TCF20: variants seen among roughly 807,000 people sequenced by gnomAD.
TCF20 encodes the protein SPRE-binding protein.
Under a neutral mutation model 148.6 loss-of-function variants are expected in TCF20, and 3 were observed. That is an observed-to-expected ratio of 0.02 (90% CI 0.01 to 0.05). The LOEUF (loss-of-function observed/expected upper bound fraction) is 0.05. Among genes scored for constraint, TCF20 ranks in the 10% least tolerant of loss-of-function variants. The probability of loss-of-function intolerance (pLI) is 1.00; values close to 1 mark genes in which losing one functional copy is unlikely to be tolerated. For synonymous variants in TCF20, 1,049 were observed against 909.5 expected (o/e 1.15, Z -2.76); for missense variants, 2,350 against 2,429.3 (o/e 0.97, Z 0.69).
At chr22:42,179,037 T>TA (rs60142024) in intron 3 of TCF20, among the ~76,000 whole-genome samples, 8,512 of 120,910 alleles carry the variant, frequency 0.07, 729 homozygotes, top group East Asian at 0.46. Context: ...TGGCTACAAT[T>TA]AAAAAAAAAA....
chr22:42,330,935 T>C (rs953055029), intron 1 of TCF20, among the ~76,000 whole-genome samples: 30 of 152,150 alleles, frequency 2.0e-4, no homozygotes, highest in African/African-American at 7.2e-4. Flanking sequence ...CCCCCACCCC[T>C]GAGTGGCCCA....
intron 1 of TCF20, among the ~76,000 whole-genome samples, chr22:42,244,634 A>G (rs966762160): frequency 6.6e-6 from 1 of 152,224 alleles, no homozygotes; most frequent in Non-Finnish European, 1.5e-5. Flanking sequence ...GACTGGCAGA[A>G]GAGGGCAAGG....
At chr22:42,275,562 G>A (rs940622701), upstream of TCF20, among the ~76,000 whole-genome samples, 11 of 152,198 alleles carry the variant, frequency 7.2e-5, no homozygotes, top group African/African-American at 2.7e-4. Flanking sequence ...GCTGTAAATT[G>A]GGCTGGGAGG....
At chr22:42,307,263 C>T (rs1927452538) in intron 1 of TCF20, among the ~76,000 whole-genome samples, 2 of 152,152 alleles carry the variant, frequency 1.3e-5, no homozygotes, top group Non-Finnish European at 2.9e-5. Context: ...AAAGCATCCT[C>T]GCCCCGGAAT....
At position 42,168,725 on chromosome 22, in the gene TCF20, C is replaced by T. The variant is rs756242336; in HGVS notation, c.5811G>A (p.Pro1937=). The change falls in exon 5 of 6, where the codon CCG becomes CCA. Residue 1937 remains proline (P), a synonymous_variant. Transcript: ENST00000677622. ...VRCPKHKPPL[P]CPLPPLQNKT... ...TGTTCTGCAAGGGGGGGAGAGGGCA[C>T]GGAAGGGGAGGCTGACACGGGCAAA... The T allele has an allele frequency of 5.0e-6, 8 of 1,608,708 alleles. No individual in the cohort carries two copies. The highest frequency in any genetic ancestry group is 2.2e-5 in the South Asian group (2 of 90,566).
chr22:42,207,116 AAT>A (rs1457551691), intron 2 of TCF20, among the ~76,000 whole-genome samples: 2 of 152,136 alleles, frequency 1.3e-5, no homozygotes, highest in African/African-American at 4.8e-5. Context: ...GGGGCTGAAA[AAT>A]AGAGCATTAG....
chr22:42,273,675 GT>G (rs942684270), upstream of TCF20, among the ~76,000 whole-genome samples: 76 of 151,856 alleles, frequency 5.0e-4, no homozygotes, highest in African/African-American at 1.8e-3. Flanking sequence ...CAGTAGACTA[GT>G]TTTTTTCCCC....
chr22:42,212,689 G>C lies in TCF20; in HGVS notation c.2617C>G (p.Leu873Val), dbSNP rs574949263. 1 of 1,614,090 alleles carries C rather than the reference G, an allele frequency of 6.2e-7. No individual in the cohort carries two copies. Among genetic ancestry groups the C allele is most frequent in the African/African-American group, 1.3e-5 (1 of 74,916 alleles). ...CCTGGGTCCCTGACAATCTGTCTTA[G>C]TGGAGAAATATCACAGATCACTGAT... Reference protein sequence around the residue: ...RRSVICDISPLRQIVRDPGAH... With the variant: ...RRSVICDISPVRQIVRDPGAH... The change falls in exon 2 of 6, where the codon CTA becomes GTA. Residue 873 changes from leucine to valine, a missense_variant. Transcript: ENST00000677622.
chr22:42,259,759 C>A (rs1311259469), intron 1 of TCF20, among the ~76,000 whole-genome samples: 2 of 152,166 alleles, frequency 1.3e-5, no homozygotes, highest in Non-Finnish European at 1.5e-5. Context: ...ATTTGGCCCA[C>A]TGTGTATCAA....
At chr22:42,325,870 G>C (rs1927866610) in intron 1 of TCF20, among the ~76,000 whole-genome samples, 1 of 152,160 alleles carries the variant, frequency 6.6e-6, no homozygotes. Flanking sequence ...TGGGGGTCAG[G>C]GCCCTAGCTT....
chr22:42,180,929 C>G (rs1458867485), intron 2 of TCF20, among the ~76,000 whole-genome samples: 1 of 152,202 alleles, frequency 6.6e-6, no homozygotes, highest in Non-Finnish European at 1.5e-5. Context: ...AAGCTTTGCC[C>G]TGCTCTCAGA....
intron 1 of TCF20, among the ~76,000 whole-genome samples, chr22:42,302,388 G>C (rs192382618): frequency 1.3e-5 from 2 of 152,302 alleles, no homozygotes; most frequent in East Asian, 1.9e-4. Context: ...GGGGCTGAGC[G>C]TACAGAGGCA....
chr22:42,164,211 TC>T (rs1935635164), intron 5 of TCF20, among the ~76,000 whole-genome samples: 3 of 113,772 alleles, frequency 2.6e-5, no homozygotes, highest in Admixed American at 1.3e-4. Flanking sequence ...CTCATTTCTT[TC>T]TTTTTTTTTT....
In TCF20 at chr22:42,214,847, C is replaced by T. The variant is rs1242689494; in HGVS notation, c.459G>A (p.Gln153=). The change falls in exon 2 of 6, where the codon CAG becomes CAA. Residue 153 remains glutamine (Q), a synonymous_variant. Transcript: ENST00000677622. ...GAGAGAAAGGCCCAGTGTAATCCTG[C>T]TGATAATGTGACACACCGCCAAGGC... ...HSGLGGVSHY[Q]QDYTGPFSPG... is the part of the protein sequence containing the mutation. 8 of 1,614,030 alleles carry T rather than the reference C, an allele frequency of 5.0e-6. No individual in the cohort carries two copies. The highest frequency in any genetic ancestry group is 6.8e-6 in the Non-Finnish European group (8 of 1,180,050).
At chr22:42,307,065 C>T (rs1448399784) in intron 1 of TCF20, among the ~76,000 whole-genome samples, 1 of 138,450 alleles carries the variant, frequency 7.2e-6, no homozygotes, top group Non-Finnish European at 1.6e-5. Context: ...AAAAAAAAGA[C>T]TGAGAGGAGG....
intron 1 of TCF20, among the ~76,000 whole-genome samples, chr22:42,241,808 T>C (rs1416747307): frequency 6.6e-6 from 1 of 151,922 alleles, no homozygotes; most frequent in African/African-American, 2.4e-5. Flanking sequence ...CACCCCAGCC[T>C]GGGCGAAAGA....
intron 1 of TCF20, among the ~76,000 whole-genome samples, chr22:42,224,039 C>G (rs1249426313): frequency 1.3e-5 from 2 of 152,094 alleles, no homozygotes; most frequent in Non-Finnish European, 2.9e-5. Context: ...GGAAAGAAAC[C>G]CACAAGAATG....
chr22:42,307,264 G>A (rs556726093), intron 1 of TCF20, among the ~76,000 whole-genome samples: 97 of 152,220 alleles, frequency 6.4e-4, no homozygotes, highest in African/African-American at 2.2e-3. Flanking sequence ...AAGCATCCTC[G>A]CCCCGGAATG....
chr22:42,293,697 G>A (rs1193710941), intron 1 of TCF20, among the ~76,000 whole-genome samples: 1 of 152,238 alleles, frequency 6.6e-6, no homozygotes, highest in Non-Finnish European at 1.5e-5. Flanking sequence ...CCCCCAGCTT[G>A]GAGTAAGAAA....
Sources: gnomAD v4.1 joint callset for allele counts (sites outside exome capture counted in the v4.1 genomes callset) on GRCh38, gnomAD v4.1.1 for gene constraint, MANE v1.5 for transcripts, NCBI Gene and HGNC (gene_info 2026-07-23, HGNC 2026-07-21) for gene names.